NCAM2: variants seen among roughly 807,000 people sequenced by gnomAD.
NCAM2 encodes the protein neural cell adhesion molecule 2.
NCAM2 carries 30 observed loss-of-function variants against 98.1 expected under a neutral mutation model. The ratio of observed to expected loss-of-function variants is 0.31; its 90% confidence interval spans 0.23 to 0.41. NCAM2 has a LOEUF of 0.41. NCAM2 is among the 10% of genes least tolerant of loss of function. The pLI, the probability that NCAM2 is intolerant of heterozygous loss-of-function variation, is 1.00. For missense variants in NCAM2, 867 were observed against 1,005.8 expected (o/e 0.86, Z 1.87); for synonymous variants, 368 against 342.4 (o/e 1.07, Z -0.83).
chr21:21,382,997 G>C (rs1008277825), intron 9 of NCAM2, among the ~76,000 whole-genome samples: 2 of 151,964 alleles, frequency 1.3e-5, no homozygotes, highest in African/African-American at 2.4e-5. Context: ...CTCTAAAATA[G>C]TTGCTCTAAA....
intron 1 of NCAM2, among the ~76,000 whole-genome samples, chr21:21,040,765 G>T (rs1446609190): frequency 6.6e-6 from 1 of 152,118 alleles, no homozygotes; most frequent in Non-Finnish European, 1.5e-5. Flanking sequence ...ACTAGAGGCT[G>T]GGAAATGTAG....
At chr21:21,158,027 C>T (rs1027672987) in intron 1 of NCAM2, among the ~76,000 whole-genome samples, 7 of 152,080 alleles carry the variant, frequency 4.6e-5, no homozygotes, top group African/African-American at 7.2e-5. Flanking sequence ...ACTTATTAGC[C>T]GTGTAATCTT....
At chr21:21,156,501 T>A (rs888009710) in intron 1 of NCAM2, among the ~76,000 whole-genome samples, 1 of 151,952 alleles carries the variant, frequency 6.6e-6, no homozygotes, top group Admixed American at 6.6e-5. Context: ...CCTATGAAAG[T>A]TATGTTAGTC....
At chr21:21,094,793 T>G (rs915214756) in intron 1 of NCAM2, among the ~76,000 whole-genome samples, 7 of 151,736 alleles carry the variant, frequency 4.6e-5, no homozygotes, top group African/African-American at 7.2e-5. Flanking sequence ...GACTTAATAC[T>G]CAAAAGGTAG....
At chr21:21,199,481 C>T (rs1334776916) in intron 1 of NCAM2, among the ~76,000 whole-genome samples, 5 of 152,134 alleles carry the variant, frequency 3.3e-5, no homozygotes, top group African/African-American at 1.2e-4. Context: ...CATCCAGGCC[C>T]AAGGGAGCAA....
intron 1 of NCAM2, among the ~76,000 whole-genome samples, chr21:21,166,639 A>C (rs918210816): frequency 3.9e-5 from 6 of 152,152 alleles, no homozygotes; most frequent in Non-Finnish European, 5.9e-5. Context: ...CTACAATTCC[A>C]CTCAGTCATT....
chr21:21,486,415 G>A (rs1986393223), intron 15 of NCAM2, among the ~76,000 whole-genome samples: 1 of 151,084 alleles, frequency 6.6e-6, no homozygotes, highest in South Asian at 2.1e-4. Context: ...TATAGGGCAA[G>A]TTTTGTTTTT....
intron 9 of NCAM2, among the ~76,000 whole-genome samples, chr21:21,375,007 C>G (rs564008237): frequency 7.3e-5 from 11 of 151,332 alleles, no homozygotes; most frequent in African/African-American, 2.7e-4. Flanking sequence ...GAAAAAAGGA[C>G]TGTTGTGGGG....
intron 1 of NCAM2, among the ~76,000 whole-genome samples, chr21:21,096,608 A>G (rs1177377088): frequency 1.3e-5 from 2 of 151,766 alleles, no homozygotes; most frequent in Non-Finnish European, 3.0e-5. Flanking sequence ...AGTATCATTT[A>G]TTATTGGTAC....
At chr21:21,412,833 A>G (rs1665965628) in intron 10 of NCAM2, among the ~76,000 whole-genome samples, 1 of 151,596 alleles carries the variant, frequency 6.6e-6, no homozygotes, top group African/African-American at 2.4e-5. Flanking sequence ...GAAAGCAACA[A>G]TGAGCATTAC....
intron 12 of NCAM2, among the ~76,000 whole-genome samples, chr21:21,456,584 A>G (rs959100327): frequency 6.6e-6 from 1 of 152,202 alleles, no homozygotes; most frequent in Non-Finnish European, 1.5e-5. Flanking sequence ...ATCTTACACC[A>G]TATGCAAAAA....
intron 16 of NCAM2, among the ~76,000 whole-genome samples, chr21:21,522,477 A>G (rs531807077): frequency 6.6e-6 from 1 of 151,456 alleles, no homozygotes; most frequent in South Asian, 2.1e-4. Flanking sequence ...CCCCGCTAGT[A>G]TAGAATTCTG....
intron 1 of NCAM2, among the ~76,000 whole-genome samples, chr21:21,225,732 G>T (rs2070355182): frequency 1.3e-5 from 2 of 151,908 alleles, no homozygotes; most frequent in Admixed American, 6.6e-5. Context: ...AAATTAAATT[G>T]AATTTCCAGA....
intron 1 of NCAM2, among the ~76,000 whole-genome samples, chr21:21,162,590 C>T (rs528647914): frequency 1.3e-5 from 2 of 152,178 alleles, no homozygotes; most frequent in South Asian, 4.1e-4. Context: ...AAGGTCCTCT[C>T]AAGTTCGTAC....
At chr21:21,267,935 A>G (rs2072348828) in intron 1 of NCAM2, among the ~76,000 whole-genome samples, 1 of 152,122 alleles carries the variant, frequency 6.6e-6, no homozygotes, top group African/African-American at 2.4e-5. Context: ...TTCCTGAGAT[A>G]TCACCTGTAT....
At chr21:21,358,364 G>A (rs1336561631) in intron 8 of NCAM2, among the ~76,000 whole-genome samples, 1 of 151,994 alleles carries the variant, frequency 6.6e-6, no homozygotes, top group Non-Finnish European at 1.5e-5. Context: ...CTAACTTTCA[G>A]TGGGGATTAA....
intron 10 of NCAM2, among the ~76,000 whole-genome samples, chr21:21,416,373 A>G (rs1338754375): frequency 6.6e-6 from 1 of 152,208 alleles, no homozygotes; most frequent in Non-Finnish European, 1.5e-5. Flanking sequence ...ATAATAATGC[A>G]AAGTTTAAAA....
chr21:21,270,542 G>A (rs2072455255), intron 1 of NCAM2, among the ~76,000 whole-genome samples: 1 of 152,054 alleles, frequency 6.6e-6, no homozygotes, highest in Non-Finnish European at 1.5e-5. Context: ...CTAATTGCTA[G>A]GTATTTCTAT....
intron 7 of NCAM2, 65 bp downstream of exon 7, chr21:21,335,730 T>G (rs559140288): frequency 3.1e-5 from 39 of 1,270,356 alleles, no homozygotes; most frequent in Admixed American, 2.9e-4. Flanking sequence ...GAAATTCTAC[T>G]CTAATCATTT....
Sources: gnomAD v4.1 joint callset for allele counts (sites outside exome capture counted in the v4.1 genomes callset) on GRCh38, gnomAD v4.1.1 for gene constraint, MANE v1.5 for transcripts, NCBI Gene and HGNC (gene_info 2026-07-23, HGNC 2026-07-21) for gene names.